INPP4B: variants seen among roughly 807,000 people sequenced by gnomAD.
The protein encoded by INPP4B is inositol polyphosphate 4-phosphatase type II.
Under a neutral mutation model 122.5 loss-of-function variants are expected in INPP4B, and 55 were observed. The observed-to-expected ratio is 0.45, with a 90% CI of 0.36 to 0.56. The LOEUF is 0.56. INPP4B is among the 20% of genes least tolerant of loss of function. The probability of loss-of-function intolerance (pLI) is 0.00; values close to 1 mark genes in which losing one functional copy is unlikely to be tolerated. For synonymous variants in INPP4B, 403 were observed against 388.7 expected, an observed-to-expected ratio of 1.04 and a Z score of -0.43; for missense variants, 1,000 against 1,097.7, an observed-to-expected ratio of 0.91 and a Z score of 1.26.
chr4:142,429,768 T>C (rs1236996999), intron 4 of INPP4B, among the ~76,000 whole-genome samples: 1 of 152,042 alleles, frequency 6.6e-6, no homozygotes, highest in African/African-American at 2.4e-5. Flanking sequence ...TTAAAAAATA[T>C]AACAAGATGG....
chr4:142,119,994 T>G (rs1795872862), intron 21 of INPP4B, among the ~76,000 whole-genome samples: 1 of 151,824 alleles, frequency 6.6e-6, no homozygotes, highest in Non-Finnish European at 1.5e-5. Flanking sequence ...TTTTAGCTCT[T>G]ACATTTAGAT....
chr4:142,216,730 T>C (rs1337775764), intron 12 of INPP4B, among the ~76,000 whole-genome samples: 1 of 152,204 alleles, frequency 6.6e-6, no homozygotes, highest in East Asian at 1.9e-4. Context: ...AACACCCTAC[T>C]AATTATATGA....
At chr4:142,435,239 T>C (rs1296718591) in intron 3 of INPP4B, among the ~76,000 whole-genome samples, 3 of 152,150 alleles carry the variant, frequency 2.0e-5, no homozygotes, top group African/African-American at 7.2e-5. Flanking sequence ...CAGTAGTGGA[T>C]AGGAAGTTAA....
intron 1 of INPP4B, among the ~76,000 whole-genome samples, chr4:142,792,169 C>T (rs1264713954): frequency 2.6e-5 from 4 of 152,038 alleles, no homozygotes; most frequent in Non-Finnish European, 5.9e-5. Flanking sequence ...AGAAGGATCG[C>T]TTGAGCCCAG....
At chr4:142,171,049 C>T (rs1171469983) in intron 16 of INPP4B, among the ~76,000 whole-genome samples, 1 of 151,654 alleles carries the variant, frequency 6.6e-6, no homozygotes, top group African/African-American at 2.4e-5. Context: ...TTTTCTGTTG[C>T]CACTTGCTTT....
At chr4:142,334,961 G>A (rs537879761) in intron 7 of INPP4B, among the ~76,000 whole-genome samples, 6 of 152,002 alleles carry the variant, frequency 3.9e-5, no homozygotes, top group African/African-American at 1.4e-4. Context: ...AATAGTGAAA[G>A]GATAAATCTA....
chr4:142,486,814 C>G (rs780998237), intron 2 of INPP4B, among the ~76,000 whole-genome samples: 5 of 152,040 alleles, frequency 3.3e-5, no homozygotes, highest in Non-Finnish European at 5.9e-5. Context: ...ATAGGTTTAT[C>G]CAGTTGTTCT....
At chr4:142,110,636 T>C (rs1789541860) in intron 22 of INPP4B, among the ~76,000 whole-genome samples, 1 of 152,130 alleles carries the variant, frequency 6.6e-6, no homozygotes, top group African/African-American at 2.4e-5. Flanking sequence ...AATTCAGGCC[T>C]CCTGCTTCTC....
At chr4:142,297,981 A>G (rs924898310) in intron 9 of INPP4B, among the ~76,000 whole-genome samples, 2 of 152,216 alleles carry the variant, frequency 1.3e-5, no homozygotes, top group South Asian at 2.1e-4. Context: ...TACTACTTCC[A>G]TTAATAGATG....
intron 12 of INPP4B, among the ~76,000 whole-genome samples, chr4:142,210,629 T>C (rs972772679): frequency 6.6e-6 from 1 of 152,184 alleles, no homozygotes. Flanking sequence ...TCTGAGCAAT[T>C]AGGTTGAATC....
At chr4:142,676,912 C>T (rs962501598) in intron 2 of INPP4B, among the ~76,000 whole-genome samples, 2 of 152,110 alleles carry the variant, frequency 1.3e-5, no homozygotes, top group African/African-American at 4.8e-5. Flanking sequence ...TAGGCCATAC[C>T]ATTTAGGACA....
At chr4:142,814,706 C>T (rs1478774846) in intron 1 of INPP4B, among the ~76,000 whole-genome samples, 1 of 151,904 alleles carries the variant, frequency 6.6e-6, no homozygotes, top group Non-Finnish European at 1.5e-5. Flanking sequence ...AAGTAGTATG[C>T]AATTATAACC....
intron 2 of INPP4B, among the ~76,000 whole-genome samples, chr4:142,640,863 TATA>T (rs2150478605): frequency 6.6e-6 from 1 of 152,184 alleles, no homozygotes; most frequent in Admixed American, 6.6e-5. Flanking sequence ...TAATTAAAAC[TATA>T]ATGAGATACT....
At chr4:142,124,347 A>C (rs915644588) in intron 19 of INPP4B, among the ~76,000 whole-genome samples, 1 of 152,142 alleles carries the variant, frequency 6.6e-6, no homozygotes, top group Non-Finnish European at 1.5e-5. Flanking sequence ...TGCCCTGTGA[A>C]GCAGAATTTA....
rs139731590 is a variant in INPP4B at position 142,493,323 on chromosome 4, G to T, written c.-190-30597C>A. Among the ~76,000 whole-genome samples, 506 of 152,292 alleles carry T rather than the reference G, an allele frequency of 3.3e-3. 4 individuals are homozygous for T. Among genetic ancestry groups the T allele is most frequent in the South Asian group, 9.3e-3 (45 of 4,828 alleles). On this transcript the variant is annotated intron_variant, in intron 2 of 25. Coordinates refer to ENST00000262992, the MANE Select transcript of INPP4B (RefSeq NM_001101669.3). ...CACATACAGTCCCCACTGCAGCACT[G>T]CTTGGTGGAGCTGTGAGAAATGGGC...
intron 2 of INPP4B, among the ~76,000 whole-genome samples, chr4:142,475,389 GA>G (rs978504609): frequency 6.1e-5 from 9 of 148,314 alleles, no homozygotes; most frequent in East Asian, 2.0e-4. Flanking sequence ...ACACAGATGA[GA>G]AAAAAAAAAC....
chr4:142,524,517 T>G (rs1826578513), intron 2 of INPP4B, among the ~76,000 whole-genome samples: 1 of 152,132 alleles, frequency 6.6e-6, no homozygotes, highest in African/African-American at 2.4e-5. Context: ...TGTTTTTTTC[T>G]TGTAAATTTG....
At chr4:142,801,576 G>A (rs534421703) in intron 1 of INPP4B, among the ~76,000 whole-genome samples, 37 of 152,250 alleles carry the variant, frequency 2.4e-4, no homozygotes, top group African/African-American at 8.4e-4. Flanking sequence ...AGAACTGTAA[G>A]AAAATAAATT....
intron 11 of INPP4B, among the ~76,000 whole-genome samples, chr4:142,239,562 G>C (rs929849309): frequency 6.6e-6 from 1 of 151,942 alleles, no homozygotes; most frequent in African/African-American, 2.4e-5. Flanking sequence ...ATCAATAAAA[G>C]AAAATAAAAA....
Sources: allele counts gnomAD v4.1 joint callset (sites outside exome capture counted in the v4.1 genomes callset), GRCh38; gene constraint gnomAD v4.1.1; transcripts MANE v1.5; gene names NCBI Gene and HGNC (gene_info 2026-07-23, HGNC 2026-07-21).